Variants in SLC36A3 observed in about 807,000 individuals in gnomAD.
The protein encoded by SLC36A3 is solute carrier family 36 member 3, also known as proton-coupled amino acid transporter 3.
A neutral mutation model predicts 44.3 loss-of-function variants in SLC36A3; 35 were observed. That is an observed-to-expected ratio of 0.79 (90% CI 0.60 to 1.05). The LOEUF is 1.05. Among genes scored for constraint, SLC36A3 ranks in the 50% least tolerant of loss-of-function variants. The pLI is 0.00. For synonymous variants in SLC36A3, 211 were observed against 227.6 expected, an observed-to-expected ratio of 0.93 and a Z score of 0.66; for missense variants, 540 against 578.7, an observed-to-expected ratio of 0.93 and a Z score of 0.69.
Position 151,277,222 on chromosome 5 carries a change from T to A in SLC36A3, c.*171A>T. The A allele has an allele frequency of 1.1e-6, 1 of 885,738 alleles. No individual in the cohort carries two copies. Among genetic ancestry groups the A allele is most frequent in the Middle Eastern group, 3.6e-4 (1 of 2,810 alleles). The allele number at this position is 885,738 out of a possible 1,614,324, so 54.9% of individuals were successfully genotyped here. A position where few individuals can be genotyped will look rare whatever the true frequency, so the allele number is the denominator to read the frequency against. On this transcript the variant is annotated 3_prime_UTR_variant, in exon 10 of 10. Coordinates refer to ENST00000335230, the MANE Select transcript of SLC36A3 (RefSeq NM_181774.4). The stretch of plus-strand genomic sequence containing the variant: ...AAAAAATATAAAACCAAAAGAGGTG[T>A]AGCCTGAGAGACATCAGTGCTAACT...
At chr5:151,300,408 C>T (rs1755130182) in intron 1 of SLC36A3, among the ~76,000 whole-genome samples, 1 of 152,196 alleles carries the variant, frequency 6.6e-6, no homozygotes, top group Non-Finnish European at 1.5e-5. Flanking sequence ...GCAGTCTATT[C>T]ACCTAAGGAT....
intron 1 of SLC36A3, among the ~76,000 whole-genome samples, chr5:151,299,503 G>A (rs926015070): frequency 4.9e-4 from 74 of 151,940 alleles, no homozygotes; most frequent in African/African-American, 1.7e-3. Context: ...TCCCAGCAGG[G>A]TGCTAGGGCC....
chr5:151,299,252 CTCTCTCTCTCTCTATA>C (rs1256978055), intron 1 of SLC36A3, among the ~76,000 whole-genome samples: 596 of 94,996 alleles, frequency 6.3e-3, no homozygotes, highest in African/African-American at 0.019. Context: ...CTCTCTCTCT[CTCTCTCTCTCTCTATA>C]TATATATATA....
intron 4 of SLC36A3, among the ~76,000 whole-genome samples, chr5:151,292,049 C>T (rs1042798045): frequency 6.6e-6 from 1 of 151,992 alleles, no homozygotes; most frequent in African/African-American, 2.4e-5. Flanking sequence ...TTAGTAGAGA[C>T]AGGGTTACGC....
At chr5:151,300,999 GT>G (rs1755150639) in intron 1 of SLC36A3, among the ~76,000 whole-genome samples, 1 of 152,196 alleles carries the variant, frequency 6.6e-6, no homozygotes, top group Non-Finnish European at 1.5e-5. Context: ...TCTACTGTAT[GT>G]TTGTTTCATG....
chr5:151,299,511 G>A (rs935993166), intron 1 of SLC36A3, among the ~76,000 whole-genome samples: 20 of 151,972 alleles, frequency 1.3e-4, no homozygotes, highest in African/African-American at 4.8e-4. Context: ...GGGTGCTAGG[G>A]CCTAGGGTTC....
At chr5:151,284,268 G>A in intron 7 of SLC36A3, 58 bp from the exon 8 acceptor site, 1 of 1,519,726 alleles carries the variant, frequency 6.6e-7, no homozygotes, top group African/African-American at 1.4e-5. Flanking sequence ...GGCCCATTGT[G>A]AAGGAGAGGG....
At position 151,277,196 on chromosome 5, in the gene SLC36A3, C is replaced by CA; in HGVS notation, c.*196dup. 1.4e-6 allele frequency: 1 copy of CA among 707,074 alleles called. No individual in the cohort carries two copies. Among genetic ancestry groups the CA allele is most frequent in the Non-Finnish European group, 2.2e-6 (1 of 448,528 alleles). 43.8% of individuals were successfully genotyped at this position (707,074 alleles called of 1,614,324 possible). Reference sequence around the variant, plus strand: ...TGGTTCAGAGGTACAAAAGGCCATCCAAAAAATATAAAACCAAAAGAGGTG... The same window carrying CA: ...TGGTTCAGAGGTACAAAAGGCCATCCAAAAAAATATAAAACCAAAAGAGGTG... On this transcript the variant is annotated 3_prime_UTR_variant, in exon 10 of 10. Transcript: ENST00000335230.
rs572119142 is a variant in SLC36A3 at position 151,298,455 on chromosome 5, T to G, written c.219+138A>C. 3 of 788,086 alleles carry G rather than the reference T, an allele frequency of 3.8e-6. No homozygotes were observed. In the South Asian group the frequency reaches 5.2e-5, roughly 14 times the overall value. The allele number at this position is 788,086 out of a possible 1,614,324, so 48.8% of individuals were successfully genotyped here. ...TTGGACCCAGGTTGACTCCAGGGGA[T>G]TGATGCCAACAGGCACATTTTCAAT... On this transcript the variant is annotated intron_variant, in intron 2 of 9. Transcript: ENST00000335230.
intron 4 of SLC36A3, among the ~76,000 whole-genome samples, chr5:151,288,697 G>T (rs542549350): frequency 6.0e-5 from 9 of 151,118 alleles, no homozygotes; most frequent in East Asian, 3.9e-4. Context: ...GCCCCAAATT[G>T]CATTACATAT....
intron 9 of SLC36A3, among the ~76,000 whole-genome samples, chr5:151,278,388 C>A (rs1754181435): frequency 6.6e-6 from 1 of 151,982 alleles, no homozygotes; most frequent in Non-Finnish European, 1.5e-5. Flanking sequence ...CCAAGGGAGT[C>A]CAATTTCAAT....
At chr5:151,292,293 CCTGATCAGGAGATCA>C (rs1754787665) in intron 4 of SLC36A3, among the ~76,000 whole-genome samples, 1 of 152,154 alleles carries the variant, frequency 6.6e-6, no homozygotes, top group Non-Finnish European at 1.5e-5. Flanking sequence ...TAGAGTGGCT[CCTGATCAGGAGATCA>C]ATGACCTACT....
intron 1 of SLC36A3, among the ~76,000 whole-genome samples, chr5:151,301,880 C>T (rs2127275341): frequency 6.6e-6 from 1 of 152,234 alleles, no homozygotes; most frequent in Non-Finnish European, 1.5e-5. Context: ...ATAACAAGTG[C>T]TTTGATAAAA....
chr5:151,286,550 C>T (rs1035827769), intron 6 of SLC36A3, among the ~76,000 whole-genome samples: 4 of 152,212 alleles, frequency 2.6e-5, no homozygotes, highest in Admixed American at 6.5e-5. Flanking sequence ...CCTCAGCCTC[C>T]TCAAGTGCTG....
At position 151,284,098 on chromosome 5, in the gene SLC36A3, ATG is replaced by A. The variant is rs1754437156; in HGVS notation, c.918_919del (p.Met307GlufsTer44). On this transcript the variant is annotated frameshift_variant, in exon 8 of 10. Coordinates refer to ENST00000335230, the MANE Select transcript of SLC36A3 (RefSeq NM_181774.4). LOFTEE classifies it high-confidence loss of function. ...GGCCTGGGTGTCTGACCCAAACTTC[ATG>A]TAGCCCAGTGTCCCCAGTAAGATAT... is the stretch of plus-strand genomic sequence containing the variant. The A allele has an allele frequency of 1.9e-6, 3 of 1,613,972 alleles. No homozygotes were observed. In the African/African-American group the frequency reaches 4.0e-5, roughly 22 times the overall value.
Position 151,288,445 on chromosome 5 carries a change from TGAC to T in SLC36A3, c.427_429del (p.Val143del), listed in dbSNP as rs1253137808. On this transcript the variant is annotated inframe_deletion, in exon 5 of 10. Transcript: ENST00000335230. ...ACACTGCAGAAGCCCAGCTGGGTGATGACTAATAAGAAGCTGACAGTGTACCTG... is the reference window on the plus strand; with the variant it reads ...ACACTGCAGAAGCCCAGCTGGGTGATTAATAAGAAGCTGACAGTGTACCTG... The T allele has an allele frequency of 6.3e-7, 1 of 1,593,788 alleles. No homozygotes were observed. Among genetic ancestry groups the T allele is most frequent in the Non-Finnish European group, 8.5e-7 (1 of 1,169,818 alleles).
chr5:151,283,628 G>A (rs1029892300), intron 8 of SLC36A3, among the ~76,000 whole-genome samples: 7 of 152,190 alleles, frequency 4.6e-5, no homozygotes, highest in African/African-American at 1.7e-4. Flanking sequence ...GGATTTGTGG[G>A]AAATAAATGC....
intron 1 of SLC36A3, among the ~76,000 whole-genome samples, chr5:151,300,677 A>C (rs1432372022): frequency 6.6e-6 from 1 of 152,216 alleles, no homozygotes; most frequent in South Asian, 2.1e-4. Context: ...GCATTTACCC[A>C]TCTGGACCTT....
intron 4 of SLC36A3, among the ~76,000 whole-genome samples, chr5:151,290,881 T>TAAG (rs538769999): frequency 9.3e-6 from 1 of 108,004 alleles, no homozygotes; most frequent in African/African-American, 4.9e-5. Flanking sequence ...TGTCTCAAAA[T>TAAG]AATAATAATA....
Sources: gnomAD v4.1 joint callset for allele counts (sites outside exome capture counted in the v4.1 genomes callset) on GRCh38, gnomAD v4.1.1 for gene constraint, MANE v1.5 for transcripts, NCBI Gene and HGNC (gene_info 2026-07-23, HGNC 2026-07-21) for gene names.